PPARGC1B: variants seen among roughly 807,000 people sequenced by gnomAD.
PPARGC1B encodes PPARG coactivator 1 beta.
PPARGC1B carries 34 observed loss-of-function variants against 101.6 expected under a neutral mutation model. The ratio of observed to expected loss-of-function variants is 0.33; its 90% CI spans 0.25 to 0.45. The LOEUF is 0.45. PPARGC1B is among the 20% of genes least tolerant of loss of function. The probability of loss-of-function intolerance (pLI) is 1.00; values close to 1 mark genes in which losing one functional copy is unlikely to be tolerated. For missense variants in PPARGC1B, 1,234 were observed against 1,317.6 expected (o/e 0.94, Z 0.98); for synonymous variants, 548 against 539.3 (o/e 1.02, Z -0.22).
In PPARGC1B at chr5:149,832,648, C is replaced by T; in HGVS notation, c.583-8C>T. On this transcript the variant is annotated splice_polypyrimidine_tract_variant and splice_region_variant and intron_variant, in intron 4 of 11. Transcript: ENST00000309241. This position sits in a 1 kb window ranked among gnomAD's most constrained non-coding sequence, Gnocchi z 4.9. ...TCCTTCCTCACTCTGGCCTCTCTCCCTCTCTAGGCGGACAGCACCCAAGAC... is the reference window on the plus strand; with the variant it reads ...TCCTTCCTCACTCTGGCCTCTCTCCTTCTCTAGGCGGACAGCACCCAAGAC... 1.3e-6 allele frequency: 2 copies of T among 1,523,808 alleles called. No homozygotes were observed. The highest frequency in any genetic ancestry group is 1.8e-6 in the Non-Finnish European group (2 of 1,133,778). 94.4% of individuals were successfully genotyped at this position (1,523,808 alleles called of 1,614,324 possible).
intron 6 of PPARGC1B, 54 bp downstream of exon 6, chr5:149,834,764 A>G (rs1758973873): frequency 6.5e-7 from 1 of 1,531,240 alleles, no homozygotes; most frequent in Non-Finnish European, 9.0e-7. Flanking sequence ...GTCTTGTTGG[A>G]TGTGTGTGTT....
chr5:149,847,599 C>T lies in PPARGC1B; in HGVS notation c.*41C>T, dbSNP rs1215592016. The T allele has an allele frequency of 2.1e-6, 3 of 1,424,208 alleles. No homozygotes were observed. Among genetic ancestry groups the T allele is most frequent in the Non-Finnish European group, 3.0e-6 (3 of 1,009,718 alleles). 88.2% of individuals were successfully genotyped at this position (1,424,208 alleles called of 1,614,324 possible). A position where few individuals can be genotyped will look rare whatever the true frequency, so the allele number is the denominator to read the frequency against. ...TCGAGGAATACCTCAATACCTCAGACAAGGCCCTTCCAATATGTTTACGTT... is the reference window on the plus strand; with the variant it reads ...TCGAGGAATACCTCAATACCTCAGATAAGGCCCTTCCAATATGTTTACGTT... On this transcript the variant is annotated 3_prime_UTR_variant, in exon 12 of 12. Coordinates refer to ENST00000309241, the MANE Select transcript of PPARGC1B (RefSeq NM_133263.4).
At chr5:149,738,637 C>G (rs1036318336) in intron 1 of PPARGC1B, among the ~76,000 whole-genome samples, 1 of 151,582 alleles carries the variant, frequency 6.6e-6, no homozygotes, top group African/African-American at 2.4e-5. Flanking sequence ...GCGTCTCACT[C>G]TGTCGCCCAG....
intron 1 of PPARGC1B, among the ~76,000 whole-genome samples, chr5:149,778,002 T>TC (rs1756445377): frequency 4.8e-4 from 6 of 12,538 alleles, no homozygotes; most frequent in Admixed American, 1.1e-3. Flanking sequence ...AGTGCCCCCC[T>TC]TCCCCCCCCC....
At chr5:149,825,182 G>A (rs758632688) in intron 2 of PPARGC1B, among the ~76,000 whole-genome samples, 3 of 152,232 alleles carry the variant, frequency 2.0e-5, no homozygotes, top group Non-Finnish European at 2.9e-5. Flanking sequence ...GTGGGGGCCT[G>A]TGGGCTGGGG....
chr5:149,791,628 C>A (rs906625331), intron 1 of PPARGC1B, among the ~76,000 whole-genome samples: 2 of 152,066 alleles, frequency 1.3e-5, no homozygotes, highest in Non-Finnish European at 2.9e-5. Flanking sequence ...ATGTCAATTT[C>A]TGCAGAATGG....
chr5:149,747,108 A>G (rs544293430), intron 1 of PPARGC1B, among the ~76,000 whole-genome samples: 2 of 152,192 alleles, frequency 1.3e-5, no homozygotes, highest in South Asian at 2.1e-4. Context: ...CACGTAGTCT[A>G]ATTTGTCTAT....
Position 149,764,353 on chromosome 5 carries a change from GC to G in PPARGC1B, c.78+33936del, listed in dbSNP as rs1561858857. On this transcript the variant is annotated intron_variant, in intron 1 of 11. Coordinates refer to ENST00000309241, the MANE Select transcript of PPARGC1B (RefSeq NM_133263.4). ...TCAGCCCGGCGAGCAGTGGCCTCCA[GC>G]CCTGCACTGGAGGCTGGGCCCAAAC... 6.6e-5 allele frequency among the ~76,000 whole-genome samples: 10 copies of G among 152,310 alleles called. No individual in the cohort carries two copies. The South Asian group carries it at 2.1e-3, about 32-fold the overall frequency.
rs2113396814 is a variant in PPARGC1B, at chr5:149,832,352, G to A, written c.583-304G>A. The stretch of plus-strand genomic sequence containing the variant: ...ACCTACTGCCCGGCTCTTGGCTGAG[G>A]GGTACGGAGCAGGGAGGCGGAATGG... On this transcript the variant is annotated intron_variant, in intron 4 of 11. Coordinates refer to ENST00000309241, the MANE Select transcript of PPARGC1B (RefSeq NM_133263.4). This position sits in a 1 kb window ranked among gnomAD's most constrained non-coding sequence, Gnocchi z 4.9. Among the ~76,000 whole-genome samples the A allele has an allele frequency of 6.6e-6, 1 of 152,244 alleles. No individual in the cohort carries two copies.
chr5:149,844,237 G>A (rs891092477), intron 10 of PPARGC1B, among the ~76,000 whole-genome samples: 1 of 152,166 alleles, frequency 6.6e-6, no homozygotes, highest in African/African-American at 2.4e-5. Flanking sequence ...AAGATAGCAT[G>A]CAAAAATAAA....
rs1056682076 is a variant in PPARGC1B, at chr5:149,730,767, G to A, written c.78+347G>A. Among the ~76,000 whole-genome samples, 4 of 152,210 alleles carry A rather than the reference G, an allele frequency of 2.6e-5. No individual in the cohort carries two copies. The highest frequency in any genetic ancestry group is 9.6e-5 in the African/African-American group (4 of 41,466). ...TGGGGTACCCTCAGGCTGGCGCTGGGTGCTGGAGGCGCGCCGTCAGCGCCC... is the reference window on the plus strand; with the variant it reads ...TGGGGTACCCTCAGGCTGGCGCTGGATGCTGGAGGCGCGCCGTCAGCGCCC... On this transcript the variant is annotated intron_variant, in intron 1 of 11. Transcript: ENST00000309241. The surrounding 1 kb of genome is among the most constrained non-coding windows in gnomAD (Gnocchi z 4.0).
chr5:149,830,854 A>G lies in PPARGC1B; in HGVS notation c.553A>G (p.Arg185Gly). The change falls in exon 4 of 12, where the codon AGA (arginine) becomes GGA (glycine). Residue 185 changes from arginine (R) to glycine (G), a missense_variant. This residue lies in a region of PPARGC1B where 734 missense variants were observed against 768.4 expected (regional missense o/e 0.96). Transcript: ENST00000309241. ...EGTAWRQAGL[R>G]SKSQRPCVKA... ...GACCGCCTGGCGCCAGGCAGGCCTC[A>G]GATCTAAAAGTCAACGGCCTTGTGT... 1 of 1,613,804 alleles carries G rather than the reference A, an allele frequency of 6.2e-7. No individual in the cohort carries two copies. Among genetic ancestry groups the G allele is most frequent in the South Asian group, 1.1e-5 (1 of 91,058 alleles).
chr5:149,843,587 T>A (rs978048941), intron 10 of PPARGC1B, among the ~76,000 whole-genome samples: 4 of 152,162 alleles, frequency 2.6e-5, no homozygotes, highest in African/African-American at 9.7e-5. Flanking sequence ...GTATGGCAGT[T>A]CATCAGAAAA....
intron 1 of PPARGC1B, among the ~76,000 whole-genome samples, chr5:149,761,004 G>A (rs150321090): frequency 1.3e-3 from 194 of 152,338 alleles, no homozygotes; most frequent in African/African-American, 4.4e-3. Flanking sequence ...GTTCAGTGAT[G>A]CTGGCAGGCA....
chr5:149,804,708 C>G (rs567234800), intron 1 of PPARGC1B, among the ~76,000 whole-genome samples: 1 of 152,114 alleles, frequency 6.6e-6, no homozygotes, highest in Non-Finnish European at 1.5e-5. Context: ...ATGTAATCCC[C>G]GTGAGTGGAA....
chr5:149,753,098 A>G (rs575922754), intron 1 of PPARGC1B, among the ~76,000 whole-genome samples: 2 of 152,192 alleles, frequency 1.3e-5, no homozygotes, highest in East Asian at 3.9e-4. Context: ...CTTTTTTTCT[A>G]CTTAGTATTT....
chr5:149,811,406 A>T (rs1462466222), intron 1 of PPARGC1B, among the ~76,000 whole-genome samples: 1 of 152,240 alleles, frequency 6.6e-6, no homozygotes, highest in East Asian at 1.9e-4. Context: ...ATCCTTCCAC[A>T]GCCTTCAACT....
intron 1 of PPARGC1B, among the ~76,000 whole-genome samples, chr5:149,786,250 C>T (rs891111161): frequency 6.6e-6 from 1 of 151,992 alleles, no homozygotes; most frequent in African/African-American, 2.4e-5. Flanking sequence ...GCATCATCAC[C>T]CCCAGCTAAT....
At chr5:149,822,955 T>A (rs553096157) in intron 2 of PPARGC1B, among the ~76,000 whole-genome samples, 24 of 152,342 alleles carry the variant, frequency 1.6e-4, no homozygotes, top group Admixed American at 1.4e-3. Flanking sequence ...AGTGCCAAGC[T>A]GTGTTAACAA....
Sources: gnomAD v4.1 joint callset for allele counts (sites outside exome capture counted in the v4.1 genomes callset) on GRCh38, gnomAD v4.1.1 for gene constraint, gnomAD v4.1.1 regional missense constraint, Gnocchi (gnomAD v3.1) non-coding constraint, MANE v1.5 for transcripts, NCBI Gene and HGNC (gene_info 2026-07-23, HGNC 2026-07-21) for gene names.